The following BBS7 variants were observed in gnomAD, a reference collection of about 807,000 sequenced individuals.
The protein encoded by BBS7 is Bardet-Biedl syndrome 7.
A neutral mutation model predicts 90.3 loss-of-function variants in BBS7; 50 were observed. The observed-to-expected ratio is 0.55, with a 90% CI of 0.44 to 0.70. The LOEUF (loss-of-function observed/expected upper bound fraction) is 0.70. BBS7 is among the 30% of genes least tolerant of loss of function. The pLI is 0.00. For missense variants in BBS7, 729 were observed against 838.9 expected (o/e 0.87, Z 1.62); for synonymous variants, 235 against 287.4 (o/e 0.82, Z 1.85).
intron 7 of BBS7, 64 bp from the exon 8 acceptor site, chr4:121,853,150 AG>A: frequency 1.3e-6 from 2 of 1,559,358 alleles, no homozygotes; most frequent in Non-Finnish European, 1.8e-6. Context: ...GTATATGCCA[AG>A]TAAGAATGAA....
intron 2 of BBS7, among the ~76,000 whole-genome samples, chr4:121,864,166 G>A (rs1274782270): frequency 1.3e-5 from 2 of 152,150 alleles, no homozygotes; most frequent in Admixed American, 1.3e-4. Flanking sequence ...CCCCATTGGT[G>A]GAAAAACTGT....
At chr4:121,853,655 A>G (rs1022580308) in intron 7 of BBS7, among the ~76,000 whole-genome samples, 1 of 152,106 alleles carries the variant, frequency 6.6e-6, no homozygotes, top group Non-Finnish European at 1.5e-5. Context: ...ATAAATTATA[A>G]TAACTCTTCT....
chr4:121,826,392 A>G (rs1293589667), intron 18 of BBS7, among the ~76,000 whole-genome samples: 1 of 152,180 alleles, frequency 6.6e-6, no homozygotes, highest in Non-Finnish European at 1.5e-5. Context: ...CTATATGTTG[A>G]CCATTCTTGG....
chr4:121,835,386 T>A, intron 13 of BBS7, 103 bp from the exon 14 acceptor site: 1 of 1,334,028 alleles, frequency 7.5e-7, no homozygotes, highest in Non-Finnish European at 1.0e-6. Context: ...TTCACTAATA[T>A]GTGAAGACCT....
In BBS7 at chr4:121,833,327, CAAAAA is replaced by C; in HGVS notation, c.1575_1579del (p.Phe526SerfsTer3). 4 of 1,613,888 alleles carry C rather than the reference CAAAAA, an allele frequency of 2.5e-6. No individual in the cohort carries two copies. Among genetic ancestry groups the C allele is most frequent in the Non-Finnish European group, 3.4e-6 (4 of 1,179,930 alleles). Reference sequence around the variant, plus strand: ...AGGTTTTTCTGGAACTTCAGGCAGACAAAAAACCACCCAGGAGTGAACTTCAGCAA... The same window carrying C: ...AGGTTTTTCTGGAACTTCAGGCAGACACCACCCAGGAGTGAACTTCAGCAA... On this transcript the variant is annotated frameshift_variant, in exon 15 of 19. Coordinates refer to ENST00000264499, the MANE Select transcript of BBS7 (RefSeq NM_176824.3). LOFTEE classifies it high-confidence loss of function.
At chr4:121,842,871 G>A (rs1725815048) in intron 12 of BBS7, among the ~76,000 whole-genome samples, 2 of 152,170 alleles carry the variant, frequency 1.3e-5, no homozygotes, top group South Asian at 4.1e-4. Context: ...GTACTAAGCA[G>A]AAAGAAGTGA....
At chr4:121,867,707 T>G (rs75631678) in intron 2 of BBS7, among the ~76,000 whole-genome samples, 125 of 152,300 alleles carry the variant, frequency 8.2e-4, no homozygotes, top group African/African-American at 3.0e-3. Context: ...TTATATTTCT[T>G]TTTTCATATA....
Position 121,870,428 on chromosome 4 carries a change from C to T in BBS7, c.-115G>A. The T allele has an allele frequency of 3.2e-6, 4 of 1,242,454 alleles. No homozygotes were observed. The highest frequency in any genetic ancestry group is 4.7e-6 in the Non-Finnish European group (4 of 856,784). The allele number at this position is 1,242,454 out of a possible 1,614,324, so 77.0% of individuals were successfully genotyped here. ...CTGCCCGCGCCCCTCAAAAGCCAGCCCCAGCTACCGCGCCTAGGTCCTGGG... is the reference window on the plus strand; with the variant it reads ...CTGCCCGCGCCCCTCAAAAGCCAGCTCCAGCTACCGCGCCTAGGTCCTGGG... On this transcript the variant is annotated 5_prime_UTR_variant, in exon 1 of 19. Coordinates refer to ENST00000264499, the MANE Select transcript of BBS7 (RefSeq NM_176824.3).
At chr4:121,849,635 T>G (rs1726205770) in intron 8 of BBS7, among the ~76,000 whole-genome samples, 1 of 152,168 alleles carries the variant, frequency 6.6e-6, no homozygotes, top group South Asian at 2.1e-4. Context: ...GAGACCGTCC[T>G]GTCCAACATG....
intron 2 of BBS7, among the ~76,000 whole-genome samples, chr4:121,864,706 T>G (rs1375723469): frequency 6.6e-6 from 1 of 152,214 alleles, no homozygotes; most frequent in African/African-American, 2.4e-5. Context: ...GCTAATCTAG[T>G]AGACTTAATA....
intron 3 of BBS7, among the ~76,000 whole-genome samples, chr4:121,862,519 T>G (rs1727037367): frequency 6.6e-6 from 1 of 152,196 alleles, no homozygotes; most frequent in South Asian, 2.1e-4. Context: ...TTTCTAATTA[T>G]GATCTGTAAA....
Position 121,861,584 on chromosome 4 carries a change from T to G in BBS7, c.261A>C (p.Ala87=), listed in dbSNP as rs752151186. 1 of 1,613,724 alleles carries G rather than the reference T, an allele frequency of 6.2e-7. No homozygotes were observed. Among genetic ancestry groups the G allele is most frequent in the Non-Finnish European group, 8.5e-7 (1 of 1,179,772 alleles). The change falls in exon 4 of 19, where the codon GCA becomes GCC. Residue 87 remains alanine, a synonymous_variant. Coordinates refer to ENST00000264499, the MANE Select transcript of BBS7 (RefSeq NM_176824.3). ...TTTTTGTGAAGCCTCTAATCTCAGA[T>G]GCTGCAGCAATAAAAATTTTCTCCT... ...TPQEKIFIAA[A]SEIRGFTKRG... is the part of the protein sequence containing the mutation.
chr4:121,864,823 A>C (rs1236803011), intron 2 of BBS7, among the ~76,000 whole-genome samples: 2 of 152,172 alleles, frequency 1.3e-5, no homozygotes, highest in East Asian at 3.8e-4. Context: ...GCAATGTTTC[A>C]ATACATATAA....
At chr4:121,837,105 G>C (rs1279403639) in intron 13 of BBS7, among the ~76,000 whole-genome samples, 1 of 152,002 alleles carries the variant, frequency 6.6e-6, no homozygotes, top group Non-Finnish European at 1.5e-5. Flanking sequence ...GATTACAGAT[G>C]TGTGCCACCC....
chr4:121,826,122 C>A lies in BBS7; in HGVS notation c.2015-129G>T, dbSNP rs556940168. 166 of 750,680 alleles carry A rather than the reference C, an allele frequency of 2.2e-4. No homozygotes were observed. In the African/African-American group the frequency reaches 2.4e-3, roughly 11 times the overall value. The allele number at this position is 750,680 out of a possible 1,614,324, so 46.5% of individuals were successfully genotyped here. A position where few individuals can be genotyped will look rare whatever the true frequency, so the allele number is the denominator to read the frequency against. On this transcript the variant is annotated intron_variant, in intron 18 of 18. Coordinates refer to ENST00000264499, the MANE Select transcript of BBS7 (RefSeq NM_176824.3). ...ATTCCATGATTTAACATACACAAAC[C>A]TAAAAGCCATGTTTTTAAAAATAGT...
chr4:121,841,670 G>GT (rs911768539), intron 12 of BBS7, among the ~76,000 whole-genome samples: 2 of 151,762 alleles, frequency 1.3e-5, no homozygotes, highest in South Asian at 2.1e-4. Context: ...ACCTCCATAC[G>GT]TTTTTTTAAA....
chr4:121,842,768 G>C (rs1343483479), intron 12 of BBS7, among the ~76,000 whole-genome samples: 5 of 152,186 alleles, frequency 3.3e-5, no homozygotes, highest in Middle Eastern at 3.4e-3. Flanking sequence ...TCCTGCTCTG[G>C]CTTGCCTTCT....
chr4:121,841,041 T>C (rs949329148), intron 12 of BBS7, among the ~76,000 whole-genome samples: 1 of 152,162 alleles, frequency 6.6e-6, no homozygotes, highest in Non-Finnish European at 1.5e-5. Context: ...TGTTTTACCA[T>C]GTTGGCCAGG....
At position 121,839,647 on chromosome 4, in the gene BBS7, G is replaced by A. The variant is rs1164719652; in HGVS notation, c.1355C>T (p.Thr452Ile). 1 of 1,613,418 alleles carries A rather than the reference G, an allele frequency of 6.2e-7. No individual in the cohort carries two copies. The highest frequency in any genetic ancestry group is 8.5e-7 in the Non-Finnish European group (1 of 1,179,546). Residue 452 changes from threonine to isoleucine, a missense_variant, in exon 13 of 19, where the codon ACA becomes ATA. Thr to Ile is a moderately conservative substitution (Grantham distance 89, BLOSUM62 -1). Transcript: ENST00000264499. The stretch of plus-strand genomic sequence containing the variant: ...TATTTTTACCTTGAGTTCCAGCCTT[G>A]TAGTATCTGCCTGGCACCGATAAGT... ...LATYRCQADT[T>I]RLELKIRSIE...
Sources: allele counts gnomAD v4.1 joint callset (sites outside exome capture counted in the v4.1 genomes callset), GRCh38; gene constraint gnomAD v4.1.1; transcripts MANE v1.5; gene names NCBI Gene and HGNC (gene_info 2026-07-23, HGNC 2026-07-21).